The following NCKAP5 variants were observed in gnomAD, a reference collection of about 807,000 sequenced individuals.
The protein encoded by NCKAP5 is NCK associated protein 5, also known as nck-associated protein 5.
A neutral mutation model predicts 167.0 loss-of-function variants in NCKAP5; 92 were observed. That is an observed-to-expected ratio of 0.55 (90% CI 0.47 to 0.66). The LOEUF (loss-of-function observed/expected upper bound fraction) is 0.66. Among genes scored for constraint, NCKAP5 ranks in the 30% least tolerant of loss-of-function variants. NCKAP5 has a pLI of 0.00. For synonymous variants in NCKAP5, 891 were observed against 877.4 expected, an observed-to-expected ratio of 1.02 and a Z score of -0.27; for missense variants, 2,378 against 2,315.0, an observed-to-expected ratio of 1.03 and a Z score of -0.56.
At chr2:132,680,921 G>A (rs1021393778) in intron 19 of NCKAP5, among the ~76,000 whole-genome samples, 4 of 152,108 alleles carry the variant, frequency 2.6e-5, no homozygotes, top group Non-Finnish European at 1.5e-5. Flanking sequence ...TTTTCCAGGG[G>A]GGAACAGATC....
intron 3 of NCKAP5, among the ~76,000 whole-genome samples, chr2:133,419,269 A>G (rs1689317659): frequency 6.6e-6 from 1 of 152,224 alleles, no homozygotes; most frequent in Non-Finnish European, 1.5e-5. Context: ...AGAAACAAAG[A>G]GTAATGGAAT....
At chr2:133,065,615 CTCTA>C (rs1474142672) in intron 6 of NCKAP5, among the ~76,000 whole-genome samples, 1 of 152,146 alleles carries the variant, frequency 6.6e-6, no homozygotes. Context: ...CAGAGCGAGA[CTCTA>C]TCTTAAAAAT....
At chr2:133,329,893 G>A (rs1225770244) in intron 3 of NCKAP5, among the ~76,000 whole-genome samples, 1 of 151,854 alleles carries the variant, frequency 6.6e-6, no homozygotes, top group East Asian at 1.9e-4. Context: ...AGATTCTTCT[G>A]GTTTGTGAGG....
the NCKAP5 span, among the ~76,000 whole-genome samples, chr2:133,599,430 C>T: frequency 6.6e-6 from 1 of 152,148 alleles, no homozygotes; most frequent in Non-Finnish European, 1.5e-5. Flanking sequence ...CAGGATTGCA[C>T]AAGGAAGTGC....
intron 11 of NCKAP5, among the ~76,000 whole-genome samples, chr2:132,832,973 T>G (rs1439213848): frequency 6.6e-6 from 1 of 152,190 alleles, no homozygotes; most frequent in African/African-American, 2.4e-5. Flanking sequence ...CCATAAAGGT[T>G]GCACTAATTT....
chr2:133,612,794 G>T, the NCKAP5 span, among the ~76,000 whole-genome samples: 3 of 152,198 alleles, frequency 2.0e-5, no homozygotes, highest in East Asian at 5.8e-4. Flanking sequence ...AACTACTTTT[G>T]CTTTGTCAAC....
intron 4 of NCKAP5, among the ~76,000 whole-genome samples, chr2:133,274,070 TCAC>T (rs2089630831): frequency 6.6e-6 from 1 of 151,674 alleles, no homozygotes; most frequent in African/African-American, 2.4e-5. Flanking sequence ...GATCCTTCCA[TCAC>T]CACTTCATTT....
chr2:133,248,070 C>G (rs974124528), intron 4 of NCKAP5, among the ~76,000 whole-genome samples: 3 of 152,202 alleles, frequency 2.0e-5, no homozygotes, highest in African/African-American at 7.2e-5. Flanking sequence ...TTTGTTATTA[C>G]TTAGGAAGGA....
intron 3 of NCKAP5, among the ~76,000 whole-genome samples, chr2:133,358,814 T>C (rs1212815059): frequency 2.6e-5 from 4 of 152,232 alleles, no homozygotes; most frequent in Non-Finnish European, 2.9e-5. Flanking sequence ...AATAAGAGTA[T>C]ATTGAGGACT....
chr2:133,332,959 G>C (rs898716939), intron 3 of NCKAP5, among the ~76,000 whole-genome samples: 1 of 152,204 alleles, frequency 6.6e-6, no homozygotes, highest in Non-Finnish European at 1.5e-5. Context: ...TTTTCCAAAA[G>C]GTTCTCTCTG....
In NCKAP5 at chr2:133,233,786, CTTCTT is replaced by C. The variant is rs2087265112; in HGVS notation, c.144-20012_144-20008del. Among the ~76,000 whole-genome samples, 3 of 152,334 alleles carry C rather than the reference CTTCTT, an allele frequency of 2.0e-5. No homozygotes were observed. In the South Asian group the frequency reaches 6.2e-4, roughly 32 times the overall value. On this transcript the variant is annotated intron_variant, in intron 4 of 19. Coordinates refer to ENST00000409261, the MANE Select transcript of NCKAP5 (RefSeq NM_207363.3). Reference sequence around the variant, plus strand: ...CGTCTTATTGAATCCATACAAATCTCTTCTTTTTATAGATGAGGAATCAGAACTTC... The same window carrying C: ...CGTCTTATTGAATCCATACAAATCTCTTTATAGATGAGGAATCAGAACTTC...
intron 4 of NCKAP5, among the ~76,000 whole-genome samples, chr2:133,279,650 C>T (rs1366024772): frequency 1.3e-5 from 2 of 152,184 alleles, no homozygotes; most frequent in Non-Finnish European, 2.9e-5. Flanking sequence ...CAACTGAATT[C>T]AGCACAGCAA....
At chr2:133,430,712 T>G (rs956683857) in intron 3 of NCKAP5, among the ~76,000 whole-genome samples, 1 of 151,462 alleles carries the variant, frequency 6.6e-6, no homozygotes, top group Non-Finnish European at 1.5e-5. Flanking sequence ...TGTTCTCTAT[T>G]CTGTTCCATT....
chr2:132,773,662 G>A (rs539148883), intron 16 of NCKAP5, among the ~76,000 whole-genome samples, 154 bp downstream of exon 16: 46 of 152,214 alleles, frequency 3.0e-4, no homozygotes, highest in African/African-American at 1.0e-3. Context: ...TTATGGTAAC[G>A]TCCAATGTCT....
chr2:132,898,028 A>G (rs1343913235), intron 8 of NCKAP5, among the ~76,000 whole-genome samples: 2 of 152,228 alleles, frequency 1.3e-5, no homozygotes, highest in Non-Finnish European at 2.9e-5. Flanking sequence ...ACATTTTTCT[A>G]TAGCAAGCAA....
chr2:133,074,487 A>G (rs900774508), intron 6 of NCKAP5, among the ~76,000 whole-genome samples: 13 of 152,084 alleles, frequency 8.5e-5, no homozygotes, highest in Admixed American at 2.6e-4. Context: ...CAGCCTCCTG[A>G]GTAGCTGGGA....
At chr2:133,641,019 C>T in the NCKAP5 span, among the ~76,000 whole-genome samples, 3 of 152,154 alleles carry the variant, frequency 2.0e-5, no homozygotes, top group East Asian at 3.8e-4. Context: ...TCTCTTTATC[C>T]CCATTCAGCA....
chr2:133,386,640 C>G (rs1178998587), intron 3 of NCKAP5, among the ~76,000 whole-genome samples: 2 of 152,146 alleles, frequency 1.3e-5, no homozygotes, highest in African/African-American at 2.4e-5. Flanking sequence ...CTAATGTTGA[C>G]AGTGCGGTGT....
At chr2:133,637,246 G>C in the NCKAP5 span, among the ~76,000 whole-genome samples, 565 of 151,156 alleles carry the variant, frequency 3.7e-3, 3 homozygotes, top group Non-Finnish European at 4.8e-3. Context: ...ACAAACATTA[G>C]GGTTTGGAAA....
Sources: gnomAD v4.1 joint callset for allele counts (sites outside exome capture counted in the v4.1 genomes callset) on GRCh38, gnomAD v4.1.1 for gene constraint, MANE v1.5 for transcripts, NCBI Gene and HGNC (gene_info 2026-07-23, HGNC 2026-07-21) for gene names.